Variants in PACSIN2 observed in about 807,000 individuals in gnomAD.
PACSIN2 encodes protein kinase C and casein kinase substrate in neurons 2.
PACSIN2 carries 25 observed loss-of-function variants against 63.8 expected under a neutral mutation model. That is an observed-to-expected ratio of 0.39 (90% CI 0.29 to 0.55). PACSIN2 has a LOEUF of 0.55. Among genes scored for constraint, PACSIN2 ranks in the 20% least tolerant of loss-of-function variants. PACSIN2 has a pLI of 0.62. For synonymous variants in PACSIN2, 255 were observed against 256.2 expected, an observed-to-expected ratio of 1.00 and a Z score of 0.05; for missense variants, 518 against 646.9, an observed-to-expected ratio of 0.80 and a Z score of 2.16.
rs9607984 is a variant in PACSIN2, at chr22:42,938,587, G to A, written c.-77-26430C>T. Among the ~76,000 whole-genome samples, 684 of 152,302 alleles carry A rather than the reference G, an allele frequency of 4.5e-3. 2 individuals carry two copies. The highest frequency in any genetic ancestry group is 7.5e-3 in the Non-Finnish European group (509 of 68,030). On this transcript the variant is annotated intron_variant, in intron 1 of 10. Transcript: ENST00000263246. ...CAGCAAGCAGAGGCTGTCCAAACATGAAGAATGCCTCTGCACAGGCCAACT... is the reference window on the plus strand; with the variant it reads ...CAGCAAGCAGAGGCTGTCCAAACATAAAGAATGCCTCTGCACAGGCCAACT...
intron 1 of PACSIN2, among the ~76,000 whole-genome samples, chr22:42,947,858 G>A (rs1256644213): frequency 2.6e-5 from 4 of 152,362 alleles, no homozygotes; most frequent in East Asian, 3.9e-4. Flanking sequence ...GCATTGGCCA[G>A]GGAGAAGGTG....
At chr22:42,944,705 G>A (rs1933331458) in intron 1 of PACSIN2, among the ~76,000 whole-genome samples, 1 of 152,186 alleles carries the variant, frequency 6.6e-6, no homozygotes, top group Non-Finnish European at 1.5e-5. Flanking sequence ...CAACACATCC[G>A]TTACAGAGAA....
In PACSIN2 at chr22:42,968,486, C is replaced by G. The variant is rs908404790; in HGVS notation, c.-78+46535G>C. On this transcript the variant is annotated intron_variant, in intron 1 of 10. Coordinates refer to ENST00000263246, the MANE Select transcript of PACSIN2 (RefSeq NM_001184970.3). ...GAAAAGAAATAGGTAGCATTTGAAC[C>G]CTTATTCGAGATTTTCAATACTTGG... Among the ~76,000 whole-genome samples, 7 of 152,060 alleles carry G rather than the reference C, an allele frequency of 4.6e-5. No individual in the cohort carries two copies. The South Asian group carries it at 6.2e-4, about 14-fold the overall frequency.
chr22:43,001,751 G>T (rs190535501), intron 1 of PACSIN2, among the ~76,000 whole-genome samples: 47 of 152,342 alleles, frequency 3.1e-4, no homozygotes, highest in Middle Eastern at 3.4e-3. Context: ...CCCACAGTAA[G>T]GCAAGAGAAC....
chr22:42,963,399 G>A lies in PACSIN2; in HGVS notation c.-77-51242C>T, dbSNP rs142526002. Among the ~76,000 whole-genome samples the A allele has an allele frequency of 5.5e-4, 84 of 152,278 alleles. 1 individual carries two copies. The highest frequency in any genetic ancestry group is 3.4e-3 in the Middle Eastern group (1 of 294). On this transcript the variant is annotated intron_variant, in intron 1 of 10. Transcript: ENST00000263246. ...ATCAGCTCAGGCCCCCTGCAGAGGC[G>A]GCAAACAACACGCAGGGCAGCACTT...
At chr22:42,994,710 C>T (rs1201088190) in intron 1 of PACSIN2, among the ~76,000 whole-genome samples, 1 of 152,202 alleles carries the variant, frequency 6.6e-6, no homozygotes, top group African/African-American at 2.4e-5. Context: ...AGATTCCTCA[C>T]CCTATAGGGA....
At chr22:43,006,796 CAA>C (rs1219495941) in intron 1 of PACSIN2, among the ~76,000 whole-genome samples, 3 of 152,134 alleles carry the variant, frequency 2.0e-5, no homozygotes, top group Non-Finnish European at 4.4e-5. Context: ...GCCTGGGCGA[CAA>C]GAGCAAAATT....
At chr22:43,003,106 T>G (rs1327827698) in intron 1 of PACSIN2, among the ~76,000 whole-genome samples, 1 of 152,220 alleles carries the variant, frequency 6.6e-6, no homozygotes, top group East Asian at 1.9e-4. Flanking sequence ...GTACCTCTCT[T>G]GCCTCTTCTG....
In PACSIN2 at chr22:43,012,307, C is replaced by CAAAAAA. The variant is rs35192048; in HGVS notation, c.-78+2708_-78+2713dup. Among the ~76,000 whole-genome samples, 51 of 51,808 alleles carry CAAAAAA rather than the reference C, an allele frequency of 9.8e-4. 2 individuals carry two copies. Among genetic ancestry groups the CAAAAAA allele is most frequent in the African/African-American group, 3.8e-3 (48 of 12,666 alleles). 34.0% of individuals were successfully genotyped at this position (51,808 alleles called of 152,430 possible). ...TTGAACCTGGGCAGAGACTCTCTCT[C>CAAAAAA]AAAAAAAAAAAAAAAAAAAAAGCAA... is the stretch of plus-strand genomic sequence containing the variant. On this transcript the variant is annotated intron_variant, in intron 1 of 10. Coordinates refer to ENST00000263246, the MANE Select transcript of PACSIN2 (RefSeq NM_001184970.3).
chr22:42,873,043 C>T (rs892978334), intron 10 of PACSIN2, among the ~76,000 whole-genome samples: 11 of 152,132 alleles, frequency 7.2e-5, no homozygotes, highest in African/African-American at 2.7e-4. Context: ...GCCAGAACAC[C>T]GCAAGAGACG....
chr22:42,976,010 A>C (rs1921676557), intron 1 of PACSIN2, among the ~76,000 whole-genome samples: 1 of 152,220 alleles, frequency 6.6e-6, no homozygotes, highest in Non-Finnish European at 1.5e-5. Flanking sequence ...CCAGTCTGGA[A>C]GGTCCAATCT....
intron 1 of PACSIN2, among the ~76,000 whole-genome samples, chr22:42,980,618 C>T (rs1922031472): frequency 7.5e-6 from 1 of 133,734 alleles, no homozygotes; most frequent in Admixed American, 7.6e-5. Flanking sequence ...TGCCGAGTGC[C>T]TGCGATTGCA....
intron 10 of PACSIN2, among the ~76,000 whole-genome samples, chr22:42,874,777 G>A (rs1211966595): frequency 2.0e-5 from 3 of 152,110 alleles, no homozygotes; most frequent in Non-Finnish European, 2.9e-5. Context: ...CACAGCCTTG[G>A]CCCAGCAAGG....
At chr22:42,984,289 T>C (rs1922455591) in intron 1 of PACSIN2, among the ~76,000 whole-genome samples, 1 of 152,116 alleles carries the variant, frequency 6.6e-6, no homozygotes, top group Admixed American at 6.6e-5. Flanking sequence ...TAGCACTTTT[T>C]AAATAAAATT....
chr22:42,921,740 CT>C (rs538286179), intron 1 of PACSIN2, among the ~76,000 whole-genome samples: 249 of 144,512 alleles, frequency 1.7e-3, no homozygotes, highest in Middle Eastern at 3.5e-3. Flanking sequence ...CATTTAGAAG[CT>C]TTTTTTTTTT....
At chr22:42,933,631 C>T (rs1459516701) in intron 1 of PACSIN2, among the ~76,000 whole-genome samples, 1 of 152,200 alleles carries the variant, frequency 6.6e-6, no homozygotes, top group Non-Finnish European at 1.5e-5. Flanking sequence ...GGGGAAGTGG[C>T]TCCACACAGA....
At chr22:43,001,617 C>A (rs1668258717) in intron 1 of PACSIN2, among the ~76,000 whole-genome samples, 3 of 152,226 alleles carry the variant, frequency 2.0e-5, no homozygotes, top group Admixed American at 1.3e-4. Context: ...CACTTGTATG[C>A]CTGTGCTGTT....
intron 2 of PACSIN2, among the ~76,000 whole-genome samples, chr22:42,901,971 A>C (rs181223724): frequency 6.6e-6 from 1 of 152,056 alleles, no homozygotes; most frequent in East Asian, 1.9e-4. Context: ...TGCTGATGCC[A>C]CCAGCTGGCT....
intron 10 of PACSIN2, among the ~76,000 whole-genome samples, chr22:42,875,409 G>A (rs1038335583): frequency 2.6e-5 from 4 of 152,060 alleles, no homozygotes; most frequent in African/African-American, 4.8e-5. Context: ...TCGCTCTGTT[G>A]TCCAGGTTGG....
Sources: gnomAD v4.1 joint callset for allele counts (sites outside exome capture counted in the v4.1 genomes callset) on GRCh38, gnomAD v4.1.1 for gene constraint, MANE v1.5 for transcripts, NCBI Gene and HGNC (gene_info 2026-07-23, HGNC 2026-07-21) for gene names.